RUNX1: variants seen among roughly 807,000 people sequenced by gnomAD.
RUNX1 encodes the protein RUNX family transcription factor 1.
RUNX1 carries 19 observed loss-of-function variants against 42.8 expected under a neutral mutation model. The observed-to-expected ratio is 0.44, with a 90% confidence interval of 0.31 to 0.65. The LOEUF (loss-of-function observed/expected upper bound fraction) is 0.65, where lower values mean the gene tolerates loss of function less well. Ranked by LOEUF, RUNX1 falls within the 30% of genes least tolerant of loss-of-function variation. The pLI, the probability that RUNX1 is intolerant of heterozygous loss-of-function variation, is 0.07. For missense variants in RUNX1, 528 were observed against 672.0 expected, an observed-to-expected ratio of 0.79 and a Z score of 2.37; for synonymous variants, 271 against 289.4, an observed-to-expected ratio of 0.94 and a Z score of 0.64.
At chr21:34,872,880 A>T (rs533305930) in intron 5 of RUNX1, among the ~76,000 whole-genome samples, 1 of 152,294 alleles carries the variant, frequency 6.6e-6, no homozygotes, top group African/African-American at 2.4e-5. Flanking sequence ...CTGGGAGTCA[A>T]ATCACCCCAG....
chr21:35,008,083 C>T (rs1455395551), intron 2 of RUNX1, among the ~76,000 whole-genome samples: 1 of 152,180 alleles, frequency 6.6e-6, no homozygotes, highest in East Asian at 1.9e-4. Flanking sequence ...CCATGGTGCT[C>T]CTTGGCACCA....
At chr21:35,002,589 A>T (rs2059054464) in intron 2 of RUNX1, among the ~76,000 whole-genome samples, 1 of 151,674 alleles carries the variant, frequency 6.6e-6, no homozygotes, top group Non-Finnish European at 1.5e-5. Flanking sequence ...CACCATGCCC[A>T]GCTAATTTTT....
At chr21:34,921,012 C>T (rs1287119535) in intron 2 of RUNX1, among the ~76,000 whole-genome samples, 2 of 152,100 alleles carry the variant, frequency 1.3e-5, no homozygotes, top group Non-Finnish European at 2.9e-5. Flanking sequence ...GAGCCTGCCA[C>T]CATGCCCAGC....
intron 2 of RUNX1, among the ~76,000 whole-genome samples, chr21:34,902,639 T>C (rs6417685): frequency 0.94 from 142,494 of 152,248 alleles, 66,792 homozygotes; most frequent in East Asian, 1. Flanking sequence ...GATTAATTCA[T>C]GCAATTAACA....
intron 4 of RUNX1, among the ~76,000 whole-genome samples, chr21:34,883,696 G>A (rs1030497642): frequency 2.0e-4 from 31 of 152,042 alleles, no homozygotes; most frequent in Non-Finnish European, 5.9e-5. Context: ...CAGGAAGTTG[G>A]GCCAAATATC....
rs1455136549 is a variant in RUNX1, at chr21:34,798,014, T to C, written c.967+1287A>G. 3 of 456,600 alleles carry C rather than the reference T, an allele frequency of 6.6e-6. No homozygotes were observed. In the East Asian group the frequency reaches 2.1e-4, roughly 32 times the overall value. 28.3% of individuals were successfully genotyped at this position (456,600 alleles called of 1,614,324 possible). A position where few individuals can be genotyped will look rare whatever the true frequency, so the allele number is the denominator to read the frequency against. ...CCAAATGTCAATAGTACTGCCGTTG[T>C]GAAGCTCTTAGAAGGCATTCTGTGA... On this transcript the variant is annotated intron_variant, in intron 8 of 8. Transcript: ENST00000675419.
At chr21:35,014,416 T>C (rs2059145712) in intron 2 of RUNX1, among the ~76,000 whole-genome samples, 1 of 152,200 alleles carries the variant, frequency 6.6e-6, no homozygotes, top group Non-Finnish European at 1.5e-5. Context: ...GTGACTTTCC[T>C]TCTAGTCCAG....
intron 2 of RUNX1, among the ~76,000 whole-genome samples, chr21:34,950,798 G>A (rs1300649950): frequency 6.6e-6 from 1 of 152,160 alleles, no homozygotes; most frequent in African/African-American, 2.4e-5. Context: ...TATGTGGTAG[G>A]CAGAGTACCT....
At chr21:34,991,818 G>T (rs373761118) in intron 2 of RUNX1, among the ~76,000 whole-genome samples, 122 of 152,316 alleles carry the variant, frequency 8.0e-4, no homozygotes, top group African/African-American at 2.9e-3. Context: ...GGTCATCCTG[G>T]ATTAGGGTGG....
intron 5 of RUNX1, among the ~76,000 whole-genome samples, chr21:34,867,070 T>C (rs1216000299): frequency 6.6e-6 from 1 of 152,220 alleles, no homozygotes; most frequent in East Asian, 1.9e-4. Context: ...TTATTCATCT[T>C]TGTATCTTCT....
chr21:34,993,767 GCACACACACAGA>G (rs946467770), intron 2 of RUNX1, among the ~76,000 whole-genome samples: 1 of 26,490 alleles, frequency 3.8e-5, no homozygotes, highest in Non-Finnish European at 7.0e-5. Flanking sequence ...ACACACAGGC[GCACACACACAGA>G]CACACACACA....
chr21:34,828,477 T>C (rs1243301290), intron 7 of RUNX1, among the ~76,000 whole-genome samples: 1 of 152,244 alleles, frequency 6.6e-6, no homozygotes, highest in African/African-American at 2.4e-5. Flanking sequence ...ACTTTTGAGT[T>C]AATGCTGGAA....
chr21:34,803,012 T>G (rs2056629586), intron 7 of RUNX1, among the ~76,000 whole-genome samples: 1 of 152,336 alleles, frequency 6.6e-6, no homozygotes, highest in Non-Finnish European at 1.5e-5. Flanking sequence ...AAGAAATCCA[T>G]GCCAAGGGAC....
intron 2 of RUNX1, among the ~76,000 whole-genome samples, chr21:35,002,429 A>T (rs533859425): frequency 2.4e-4 from 34 of 143,116 alleles, no homozygotes; most frequent in African/African-American, 7.9e-4. Context: ...TTTATTTATT[A>T]TTTATTTATT....
intron 7 of RUNX1, among the ~76,000 whole-genome samples, chr21:34,817,140 C>T (rs1431200523): frequency 6.6e-6 from 1 of 152,196 alleles, no homozygotes; most frequent in Non-Finnish European, 1.5e-5. Context: ...ACAGTGAGCA[C>T]ATTGGGTCTT....
intron 2 of RUNX1, among the ~76,000 whole-genome samples, chr21:35,028,426 C>T (rs1449964472): frequency 6.6e-6 from 1 of 152,246 alleles, no homozygotes; most frequent in East Asian, 1.9e-4. Flanking sequence ...GACTTCCTCA[C>T]TGCCCTCTGA....
intron 5 of RUNX1, 34 bp downstream of exon 5, chr21:34,880,523 C>T (rs529831551): frequency 5.6e-6 from 9 of 1,610,346 alleles, no homozygotes; most frequent in South Asian, 2.2e-5. Flanking sequence ...TGCCATGAAA[C>T]GTGTTTCAAG....
intron 7 of RUNX1, among the ~76,000 whole-genome samples, chr21:34,822,241 C>G (rs4817694): frequency 0.82 from 125,246 of 152,244 alleles, 52,814 homozygotes; most frequent in East Asian, 1. Context: ...TGAAAACAAA[C>G]CAGACACCAC....
intron 7 of RUNX1, among the ~76,000 whole-genome samples, chr21:34,800,304 G>A (rs1001389899): frequency 6.6e-6 from 1 of 152,228 alleles, no homozygotes; most frequent in Non-Finnish European, 1.5e-5. Flanking sequence ...GTTTGCAGAT[G>A]AAAAGGGGAG....
Sources: allele counts gnomAD v4.1 joint callset (sites outside exome capture counted in the v4.1 genomes callset), GRCh38; gene constraint gnomAD v4.1.1; transcripts MANE v1.5; gene names NCBI Gene and HGNC (gene_info 2026-07-23, HGNC 2026-07-21).